Variants in TTBK2 observed in about 807,000 individuals in gnomAD.
TTBK2 encodes the protein tau-tubulin kinase 2.
A neutral mutation model predicts 110.8 loss-of-function variants in TTBK2; 28 were observed. The observed-to-expected ratio is 0.25, with a 90% CI of 0.19 to 0.35. The LOEUF (loss-of-function observed/expected upper bound fraction) is 0.35, where lower values mean the gene tolerates loss of function less well. TTBK2 is among the 10% of genes least tolerant of loss of function. The pLI, the probability that TTBK2 is intolerant of heterozygous loss-of-function variation, is 1.00. For synonymous variants in TTBK2, 532 were observed against 527.3 expected (o/e 1.01, Z -0.12); for missense variants, 1,369 against 1,500.3 (o/e 0.91, Z 1.45).
Position 42,837,102 on chromosome 15 carries a change from A to C in TTBK2, c.291+3258T>G, listed in dbSNP as rs184395009. 2.9e-4 allele frequency among the ~76,000 whole-genome samples: 44 copies of C among 152,210 alleles called. 1 individual carries two copies. The highest frequency in any genetic ancestry group is 1.0e-3 in the African/African-American group (43 of 41,526). ...AGGCTGGGCGCGGTGGCTTACGTCT[A>C]GAATCCCAGGGCTTTGGGAGACCGA... is the stretch of plus-strand genomic sequence containing the variant. On this transcript the variant is annotated intron_variant, in intron 4 of 14. Transcript: ENST00000267890.
chr15:42,889,526 C>T (rs778020428), intron 1 of TTBK2, among the ~76,000 whole-genome samples: 12 of 152,150 alleles, frequency 7.9e-5, no homozygotes, highest in East Asian at 7.7e-4. Context: ...AAAGGTAAAA[C>T]GGACTAATGG....
At chr15:42,802,289 G>A (rs1259179348) in intron 9 of TTBK2, 5 of 792,088 alleles carry the variant, frequency 6.3e-6, no homozygotes, top group Admixed American at 3.4e-5. Context: ...CTGCCCATTC[G>A]GGAGAAGCTC....
At chr15:42,884,901 C>A (rs1895183846) in intron 1 of TTBK2, among the ~76,000 whole-genome samples, 4 of 151,844 alleles carry the variant, frequency 2.6e-5, no homozygotes, top group South Asian at 4.2e-4. Flanking sequence ...TGATTTGTTT[C>A]CCCCCACCCT....
intron 1 of TTBK2, among the ~76,000 whole-genome samples, chr15:42,904,872 T>C (rs544967143): frequency 1.3e-5 from 2 of 151,920 alleles, no homozygotes; most frequent in South Asian, 4.2e-4. Context: ...AAACTGTATA[T>C]AATTTTTTTT....
In TTBK2 at chr15:42,777,216, A is replaced by G; in HGVS notation, c.1224T>C (p.His408=). ...CKAATEEENS[H]GQANGLLNAP... is the part of the protein sequence containing the mutation. The stretch of plus-strand genomic sequence containing the variant: ...CATTGAGAAGACCATTTGCCTGGCC[A>G]TGGCTGTTCTCCTCTTCAGTAGCAG... The change falls in exon 12 of 15, where the codon CAT becomes CAC. Residue 408 remains histidine, a synonymous_variant. Coordinates refer to ENST00000267890, the MANE Select transcript of TTBK2 (RefSeq NM_173500.4). 6.2e-7 allele frequency: 1 copy of G among 1,614,216 alleles called. No individual in the cohort carries two copies. The highest frequency in any genetic ancestry group is 8.5e-7 in the Non-Finnish European group (1 of 1,180,038).
At chr15:42,763,145 T>TATATATATAC (rs1567008692) in intron 13 of TTBK2, among the ~76,000 whole-genome samples, 1 of 69,706 alleles carries the variant, frequency 1.4e-5, no homozygotes, top group Non-Finnish European at 2.3e-5. Context: ...TATACATACA[T>TATATATATAC]ATATATATAT....
At chr15:42,799,506 T>A (rs570811671) in intron 9 of TTBK2, among the ~76,000 whole-genome samples, 1 of 152,228 alleles carries the variant, frequency 6.6e-6, no homozygotes, top group Non-Finnish European at 1.5e-5. Flanking sequence ...TGATCTCAGC[T>A]CACTGCAACC....
intron 8 of TTBK2, 140 bp from the exon 9 acceptor site, chr15:42,810,879 T>A: frequency 1.6e-5 from 15 of 938,226 alleles, no homozygotes; most frequent in Non-Finnish European, 2.5e-5. Context: ...ACTGAGCTCT[T>A]ACTAACAGCT....
intron 6 of TTBK2, among the ~76,000 whole-genome samples, chr15:42,824,763 G>C (rs553177968): frequency 4.5e-4 from 69 of 151,990 alleles, no homozygotes; most frequent in African/African-American, 1.7e-3. Flanking sequence ...ATAACTATTG[G>C]GTACTAGGCT....
chr15:42,752,964 T>C lies in TTBK2; in HGVS notation c.2282A>G (p.Asp761Gly). 1 of 1,614,228 alleles carries C rather than the reference T, an allele frequency of 6.2e-7. No homozygotes were observed. Among genetic ancestry groups the C allele is most frequent in the South Asian group, 1.1e-5 (1 of 91,090 alleles). The change falls in exon 14 of 15, where the codon GAT becomes GGT. Residue 761 changes from aspartate (D) to glycine (G), a missense_variant. Physicochemically the swap from Asp to Gly is moderately conservative, Grantham distance 94. This residue lies in a region of TTBK2 where 1,097 missense variants were observed against 1,114.7 expected (regional missense o/e 0.98). Transcript: ENST00000267890. ...TTCTCTCACAACCAGTCTATTATGA[T>C]CAGGAAGTTCTTTTGGTCCCAGGTC... is the stretch of plus-strand genomic sequence containing the variant. ...SQDLGPKELP[D>G]HNRLVVREFE...
intron 11 of TTBK2, among the ~76,000 whole-genome samples, chr15:42,778,029 A>AG (rs1374940094): frequency 6.6e-6 from 1 of 152,138 alleles, no homozygotes. Context: ...CAAAAAAAAA[A>AG]AGAGAGAGAA....
intron 13 of TTBK2, among the ~76,000 whole-genome samples, chr15:42,755,013 A>AG (rs2061928007): frequency 6.9e-6 from 1 of 145,464 alleles, no homozygotes; most frequent in African/African-American, 2.5e-5. Flanking sequence ...CATCTCAGGA[A>AG]AAAAAAAAAA....
intron 4 of TTBK2, among the ~76,000 whole-genome samples, chr15:42,837,305 C>G (rs1013446919): frequency 6.7e-5 from 10 of 148,658 alleles, no homozygotes; most frequent in Non-Finnish European, 1.5e-4. Context: ...TTGCAGTGAG[C>G]TGAGATCACG....
At chr15:42,896,933 C>G (rs1895690585) in intron 1 of TTBK2, among the ~76,000 whole-genome samples, 1 of 150,790 alleles carries the variant, frequency 6.6e-6, no homozygotes, top group African/African-American at 2.4e-5. Flanking sequence ...GGCTGGAGTA[C>G]AGTGGCACGA....
chr15:42,802,161 G>A (rs1466476849), intron 9 of TTBK2: 6 of 1,390,914 alleles, frequency 4.3e-6, no homozygotes, highest in South Asian at 1.2e-5. Context: ...GCACGGCCTG[G>A]ATGTTGGGGT....
chr15:42,885,768 T>C (rs943370416), intron 1 of TTBK2, among the ~76,000 whole-genome samples: 1 of 152,090 alleles, frequency 6.6e-6, no homozygotes, highest in Non-Finnish European at 1.5e-5. Context: ...CTTGCCTCTT[T>C]CACTATGGGC....
At chr15:42,825,583 C>T (rs1201911170) in intron 6 of TTBK2, among the ~76,000 whole-genome samples, 2 of 152,010 alleles carry the variant, frequency 1.3e-5, no homozygotes, top group Non-Finnish European at 2.9e-5. Context: ...GGTGTGGTGG[C>T]GGGCGCCTGT....
At chr15:42,844,981 G>A (rs1309602033) in intron 3 of TTBK2, among the ~76,000 whole-genome samples, 4 of 152,186 alleles carry the variant, frequency 2.6e-5, no homozygotes, top group South Asian at 2.1e-4. Flanking sequence ...GCCAAGATAC[G>A]TAAACAAAAA....
chr15:42,812,344 A>C (rs948624342), intron 7 of TTBK2, among the ~76,000 whole-genome samples: 1 of 152,192 alleles, frequency 6.6e-6, no homozygotes, highest in Non-Finnish European at 1.5e-5. Context: ...TTGCTATCAA[A>C]AGAAAAAAAT....
Sources: gnomAD v4.1 joint callset for allele counts (sites outside exome capture counted in the v4.1 genomes callset) on GRCh38, gnomAD v4.1.1 for gene constraint, gnomAD v4.1.1 regional missense constraint, MANE v1.5 for transcripts, NCBI Gene and HGNC (gene_info 2026-07-23, HGNC 2026-07-21) for gene names.